ARID2: variants seen among roughly 807,000 people sequenced by gnomAD.
ARID2 encodes the protein AT-rich interaction domain 2, also known as AT-rich interactive domain-containing protein 2.
Under a neutral mutation model 184.6 loss-of-function variants are expected in ARID2, and 32 were observed. The observed-to-expected ratio is 0.17, with a 90% confidence interval of 0.13 to 0.23. ARID2 has a LOEUF of 0.23. Among genes scored for constraint, ARID2 ranks in the 10% least tolerant of loss-of-function variants. The pLI, the probability that ARID2 is intolerant of heterozygous loss-of-function variation, is 1.00. For synonymous variants in ARID2, 836 were observed against 772.6 expected (o/e 1.08, Z -1.36); for missense variants, 1,696 against 2,197.6 (o/e 0.77, Z 4.56).
At chr12:45,837,119 A>T (rs1943233600) in intron 8 of ARID2, 128 bp downstream of exon 8, 1 of 1,296,658 alleles carries the variant, frequency 7.7e-7, no homozygotes, top group African/African-American at 1.5e-5. Flanking sequence ...TTAGTTGCTA[A>T]AAATGGTGAT....
chr12:45,769,071 C>G (rs1256888284), intron 3 of ARID2, among the ~76,000 whole-genome samples: 2 of 152,018 alleles, frequency 1.3e-5, no homozygotes, highest in African/African-American at 4.8e-5. Flanking sequence ...AGTAACATAC[C>G]CCAGAGTGGG....
At chr12:45,897,004 A>G (rs1041044416) in intron 20 of ARID2, among the ~76,000 whole-genome samples, 2 of 152,242 alleles carry the variant, frequency 1.3e-5, no homozygotes, top group East Asian at 1.9e-4. Flanking sequence ...AGAAAGAACA[A>G]TGTTGCAGGA....
At chr12:45,777,623 G>T (rs191290362) in intron 3 of ARID2, among the ~76,000 whole-genome samples, 131 of 151,908 alleles carry the variant, frequency 8.6e-4, no homozygotes, top group African/African-American at 3.0e-3. Context: ...CTTAACTTGA[G>T]TCTATCCCTA....
intron 3 of ARID2, among the ~76,000 whole-genome samples, chr12:45,805,565 A>G (rs1183974148): frequency 6.6e-6 from 1 of 152,076 alleles, no homozygotes; most frequent in Non-Finnish European, 1.5e-5. Flanking sequence ...TTCTGTACCT[A>G]TTATTAGTCA....
rs757095077 is a variant in ARID2 at position 45,849,631 on chromosome 12, T to G, written c.1767T>G (p.Asn589Lys). ...AGAGAGTGGAGGATTCCAGTAGCAA[T>G]GGGCAGGCACATATTCATGTGGTAG... is the stretch of plus-strand genomic sequence containing the variant. ...TVKRVEDSSSNGQAHIHVVGV... is the reference protein window; with the variant it reads ...TVKRVEDSSSKGQAHIHVVGV... Residue 589 changes from asparagine to lysine, a missense_variant, in exon 14 of 21, where the codon AAT becomes AAG. Coordinates refer to ENST00000334344, the MANE Select transcript of ARID2 (RefSeq NM_152641.4). The G allele has an allele frequency of 3.1e-6, 5 of 1,613,454 alleles. No homozygotes were observed. The Middle Eastern group carries it at 8.2e-4, about 265-fold the overall frequency.
chr12:45,853,237 G>A (rs183926592), intron 15 of ARID2, among the ~76,000 whole-genome samples: 4 of 152,188 alleles, frequency 2.6e-5, no homozygotes, highest in Admixed American at 2.6e-4. Flanking sequence ...GGGAATGGGG[G>A]TCCTAAGAGT....
intron 3 of ARID2, among the ~76,000 whole-genome samples, chr12:45,756,197 C>T (rs929740336): frequency 1.9e-4 from 29 of 152,280 alleles, no homozygotes; most frequent in South Asian, 1.0e-3. Context: ...TGAGCCAACG[C>T]GCCCAGCCTA....
intron 3 of ARID2, among the ~76,000 whole-genome samples, chr12:45,744,574 A>T (rs1359121125): frequency 2.6e-5 from 4 of 152,258 alleles, no homozygotes; most frequent in Non-Finnish European, 5.9e-5. Context: ...TTCTTTTTCT[A>T]TCTATGAAAC....
At chr12:45,890,814 T>C (rs1243007000) in intron 16 of ARID2, among the ~76,000 whole-genome samples, 2 of 152,110 alleles carry the variant, frequency 1.3e-5, no homozygotes, top group Non-Finnish European at 1.5e-5. Context: ...AATATAGATA[T>C]GTTAATATGA....
chr12:45,768,762 G>A (rs1018465777), intron 3 of ARID2, among the ~76,000 whole-genome samples: 6 of 152,138 alleles, frequency 3.9e-5, no homozygotes, highest in Middle Eastern at 3.2e-3. Flanking sequence ...ATTGGCCCCC[G>A]AAACTATTCC....
Position 45,836,886 on chromosome 12 carries a change from G to A in ARID2, c.918G>A (p.Leu306=), listed in dbSNP as rs2138127711. 6.2e-7 allele frequency: 1 copy of A among 1,614,058 alleles called. No homozygotes were observed. Among genetic ancestry groups the A allele is most frequent in the Non-Finnish European group, 8.5e-7 (1 of 1,179,998 alleles). The change falls in exon 8 of 21, where the codon TTG becomes TTA. Residue 306 remains leucine, a synonymous_variant. Coordinates refer to ENST00000334344, the MANE Select transcript of ARID2 (RefSeq NM_152641.4). The part of the protein sequence containing the change: ...LSFEEGNVKL[L]AANRTCLRFL... ...TTGAGGAGGGCAATGTTAAGCTCTT[G>A]GCAGCTAATCGTACCTGTCTTCGTT... is the stretch of plus-strand genomic sequence containing the variant.
chr12:45,761,123 CATTT>C (rs900446992), intron 3 of ARID2, among the ~76,000 whole-genome samples: 8 of 152,098 alleles, frequency 5.3e-5, no homozygotes, highest in African/African-American at 1.7e-4. Flanking sequence ...TTAGCTCTGC[CATTT>C]TATATCATAT....
chr12:45,826,664 C>T (rs897250631), intron 6 of ARID2, among the ~76,000 whole-genome samples: 3 of 152,094 alleles, frequency 2.0e-5, no homozygotes, highest in Non-Finnish European at 4.4e-5. Flanking sequence ...AGCAGTCCTC[C>T]TGCCTCGGCC....
At chr12:45,801,833 A>G (rs909443736) in intron 3 of ARID2, among the ~76,000 whole-genome samples, 4 of 152,144 alleles carry the variant, frequency 2.6e-5, no homozygotes, top group Admixed American at 6.5e-5. Flanking sequence ...TGAGAATAGG[A>G]TAAGGTAAAT....
chr12:45,780,031 G>T (rs1222253425), intron 3 of ARID2, among the ~76,000 whole-genome samples: 3 of 152,150 alleles, frequency 2.0e-5, no homozygotes, highest in African/African-American at 7.2e-5. Context: ...TACAAGGATT[G>T]TGAAAGTTAA....
At chr12:45,904,743 TAGTC>T (rs998014937) in intron 20 of ARID2, among the ~76,000 whole-genome samples, 187 bp from the exon 21 acceptor site, 10 of 133,834 alleles carry the variant, frequency 7.5e-5, no homozygotes, top group South Asian at 2.4e-4. Context: ...CAAACAGTAA[TAGTC>T]AGCCTCAGTT....
In ARID2 at chr12:45,836,809, A is replaced by G. The variant is rs762692646; in HGVS notation, c.841A>G (p.Ile281Val). The G allele has an allele frequency of 6.2e-7, 1 of 1,614,144 alleles. No individual in the cohort carries two copies. Among genetic ancestry groups the G allele is most frequent in the Non-Finnish European group, 8.5e-7 (1 of 1,180,002 alleles). The change falls in exon 8 of 21, where the codon ATT becomes GTT. Residue 281 changes from isoleucine (I) to valine (V), a missense_variant. Ile to Val is a conservative substitution (Grantham distance 29). This residue lies in a region of ARID2 where 148 missense variants were observed against 285.4 expected (regional missense o/e 0.52). Coordinates refer to ENST00000334344, the MANE Select transcript of ARID2 (RefSeq NM_152641.4). ...ACCTCGAAAGCTGGGCATTAACGAT[A>G]TTGAAGGACAGCGGGTACTTCAGAT... The part of the protein sequence containing the change: ...HPPRKLGIND[I>V]EGQRVLQIAV...
intron 16 of ARID2, among the ~76,000 whole-genome samples, chr12:45,889,854 C>T (rs931466094): frequency 6.6e-6 from 1 of 152,212 alleles, no homozygotes; most frequent in Non-Finnish European, 1.5e-5. Flanking sequence ...AGGAGAATCG[C>T]TTGAACCCGG....
chr12:45,874,090 G>T (rs1943970027), intron 16 of ARID2: 1 of 152,280 alleles, frequency 6.6e-6, no homozygotes, highest in Non-Finnish European at 1.5e-5. Context: ...GAGGAAGGAG[G>T]ATTGCTTGAG....
Sources: gnomAD v4.1 joint callset for allele counts (sites outside exome capture counted in the v4.1 genomes callset) on GRCh38, gnomAD v4.1.1 for gene constraint, gnomAD v4.1.1 regional missense constraint, MANE v1.5 for transcripts, NCBI Gene and HGNC (gene_info 2026-07-23, HGNC 2026-07-21) for gene names.